The following SHANK2 variants were observed in gnomAD, a reference collection of about 807,000 sequenced individuals.
SHANK2 encodes the protein SH3 and multiple ankyrin repeat domains 2.
In SHANK2, 43 loss-of-function variants were observed where a neutral mutation model predicts 133.7. The observed-to-expected ratio is 0.32, with a 90% CI of 0.25 to 0.41. The LOEUF (loss-of-function observed/expected upper bound fraction) is 0.41. Ranked by LOEUF, SHANK2 falls within the 10% of genes least tolerant of loss-of-function variation. The pLI, the probability that SHANK2 is intolerant of heterozygous loss-of-function variation, is 1.00. For missense variants in SHANK2, 1,994 were observed against 2,235.8 expected (o/e 0.89, Z 2.18); for synonymous variants, 1,017 against 952.8 (o/e 1.07, Z -1.24).
chr11:70,863,116 A>G (rs144018427), intron 11 of SHANK2, among the ~76,000 whole-genome samples: 74 of 152,250 alleles, frequency 4.9e-4, no homozygotes, highest in Non-Finnish European at 9.6e-4. Flanking sequence ...GTCTAGAGAA[A>G]CCGTGAACAC....
chr11:70,841,114 A>C (rs1948896071), intron 11 of SHANK2, among the ~76,000 whole-genome samples: 2 of 152,100 alleles, frequency 1.3e-5, no homozygotes, highest in Non-Finnish European at 2.9e-5. Flanking sequence ...AATACAAAAA[A>C]AACAAAATTA....
At chr11:70,729,691 A>AT (rs1236129077) in intron 14 of SHANK2, among the ~76,000 whole-genome samples, 9 of 149,506 alleles carry the variant, frequency 6.0e-5, no homozygotes, top group South Asian at 2.1e-4. Context: ...CACCCGGCTA[A>AT]TTTTTTTTTG....
intron 1 of SHANK2, among the ~76,000 whole-genome samples, chr11:71,243,286 T>C (rs1954917193): frequency 1.3e-5 from 2 of 152,136 alleles, no homozygotes; most frequent in South Asian, 4.1e-4. Flanking sequence ...GTTGGTTATT[T>C]GAAAAGATCA....
chr11:71,173,644 G>C (rs192380244), intron 2 of SHANK2, among the ~76,000 whole-genome samples: 1 of 152,242 alleles, frequency 6.6e-6, no homozygotes, highest in Non-Finnish European at 1.5e-5. Flanking sequence ...GTGCACTGGC[G>C]TGAAGAGTGT....
chr11:71,082,985 G>T (rs1235054774), intron 8 of SHANK2, among the ~76,000 whole-genome samples: 1 of 136,130 alleles, frequency 7.3e-6, no homozygotes, highest in Non-Finnish European at 1.5e-5. Flanking sequence ...CACTCTGGTT[G>T]CCCAGGCTGG....
At chr11:71,129,031 C>T (rs1215407376) in intron 3 of SHANK2, among the ~76,000 whole-genome samples, 1 of 152,188 alleles carries the variant, frequency 6.6e-6, no homozygotes, top group African/African-American at 2.4e-5. Flanking sequence ...GATCCATCCG[C>T]CTCGGCCTCC....
In SHANK2 at chr11:71,111,820, T is replaced by C. The variant is rs139553198; in HGVS notation, c.483+1473A>G. Among the ~76,000 whole-genome samples the C allele has an allele frequency of 2.0e-3, 305 of 152,350 alleles. 2 individuals are homozygous for C. Among genetic ancestry groups the C allele is most frequent in the African/African-American group, 6.8e-3 (283 of 41,584 alleles). ...ATTTTTAAAATTCACAAATACGTTTTTATCTGCACATCAGAGGGTGATAAA... is the reference window on the plus strand; with the variant it reads ...ATTTTTAAAATTCACAAATACGTTTCTATCTGCACATCAGAGGGTGATAAA... On this transcript the variant is annotated intron_variant, in intron 5 of 25. Coordinates refer to ENST00000601538, the MANE Select transcript of SHANK2 (RefSeq NM_012309.5).
intron 8 of SHANK2, among the ~76,000 whole-genome samples, chr11:71,082,880 C>T (rs1183675023): frequency 9.2e-5 from 14 of 152,156 alleles, no homozygotes; most frequent in African/African-American, 2.9e-4. Flanking sequence ...CAAAATCAAA[C>T]GAGGGGCTGG....
intron 20 of SHANK2, among the ~76,000 whole-genome samples, chr11:70,501,393 C>T (rs912097841): frequency 2.0e-5 from 3 of 152,220 alleles, no homozygotes; most frequent in African/African-American, 7.2e-5. Context: ...CAGGGCTTGG[C>T]TCTCAACCCC....
At chr11:70,483,672 G>A (rs550961625) in intron 25 of SHANK2, among the ~76,000 whole-genome samples, 10 of 152,204 alleles carry the variant, frequency 6.6e-5, no homozygotes, top group South Asian at 2.1e-4. Flanking sequence ...GCAATGAGCC[G>A]TGATCACGTC....
intron 6 of SHANK2, among the ~76,000 whole-genome samples, chr11:71,101,458 C>A (rs1402345554): frequency 6.6e-6 from 1 of 152,216 alleles, no homozygotes; most frequent in Non-Finnish European, 1.5e-5. Context: ...CTGTACTGAA[C>A]AAACCAAAGG....
intron 17 of SHANK2, among the ~76,000 whole-genome samples, chr11:70,599,605 C>CAAAAAAAAAAAAAAAAAAAAA (rs1160187418): frequency 6.6e-5 from 2 of 30,318 alleles, no homozygotes; most frequent in African/African-American, 3.2e-4. Context: ...GACTCCGTCT[C>CAAAAAAAAAAAAAAAAAAAAA]AAAAAAAAAA....
intron 2 of SHANK2, among the ~76,000 whole-genome samples, chr11:71,194,447 G>A (rs922532329): frequency 6.6e-6 from 1 of 152,192 alleles, no homozygotes; most frequent in South Asian, 2.1e-4. Flanking sequence ...CCACTCACCT[G>A]CACTTCTTTA....
chr11:70,899,759 AG>A (rs1322829256), intron 10 of SHANK2, among the ~76,000 whole-genome samples: 4 of 152,114 alleles, frequency 2.6e-5, no homozygotes, highest in African/African-American at 9.7e-5. Flanking sequence ...GGATGGCACT[AG>A]GCCTCCCTGC....
At position 70,469,363 on chromosome 11, in the gene SHANK2, T is replaced by C. The variant is rs181498403; in HGVS notation, c.*3506A>G. 7.1e-4 allele frequency: 109 copies of C among 152,748 alleles called. No homozygotes were observed. The highest frequency in any genetic ancestry group is 2.5e-3 in the African/African-American group (104 of 41,578). The allele number at this position is 152,748 out of a possible 1,614,324, so 9.5% of individuals were successfully genotyped here. A position where few individuals can be genotyped will look rare whatever the true frequency, so the allele number is the denominator to read the frequency against. On this transcript the variant is annotated 3_prime_UTR_variant, in exon 26 of 26. Transcript: ENST00000601538. ...AATGCCTGAGATAATCTACATTAGA[T>C]TGCAAGTCGGGCAGCTTTTTGTTTA... is the stretch of plus-strand genomic sequence containing the variant.
chr11:70,775,987 C>T (rs543792581), intron 14 of SHANK2, among the ~76,000 whole-genome samples: 8 of 152,340 alleles, frequency 5.3e-5, no homozygotes, highest in East Asian at 1.9e-4. Flanking sequence ...GAGGTTGCAG[C>T]GGGGGCAGGG....
At chr11:70,660,515 T>C (rs1236743229) in intron 16 of SHANK2, among the ~76,000 whole-genome samples, 1 of 152,224 alleles carries the variant, frequency 6.6e-6, no homozygotes, top group Admixed American at 6.5e-5. Context: ...CCCTGGGCAC[T>C]GGCATGTGTG....
intron 15 of SHANK2, among the ~76,000 whole-genome samples, chr11:70,674,262 T>C (rs576698166): frequency 1.3e-5 from 2 of 152,350 alleles, no homozygotes; most frequent in Admixed American, 1.3e-4. Context: ...ACCTCTTTTC[T>C]TTATCAATTA....
intron 14 of SHANK2, among the ~76,000 whole-genome samples, chr11:70,797,437 C>T (rs185307206): frequency 5.7e-4 from 87 of 152,314 alleles, no homozygotes; most frequent in African/African-American, 2.0e-3. Context: ...CGAACTGAGT[C>T]CCCGTTGAAG....
Sources: gnomAD v4.1 joint callset for allele counts (sites outside exome capture counted in the v4.1 genomes callset) on GRCh38, gnomAD v4.1.1 for gene constraint, MANE v1.5 for transcripts, NCBI Gene and HGNC (gene_info 2026-07-23, HGNC 2026-07-21) for gene names.